The following DLC1 variants were observed in gnomAD, a reference collection of about 807,000 sequenced individuals.
The protein encoded by DLC1 is rho GTPase-activating protein 7.
A neutral mutation model predicts 140.3 loss-of-function variants in DLC1; 54 were observed. The ratio of observed to expected loss-of-function variants is 0.38; its 90% confidence interval spans 0.31 to 0.48. DLC1 has a LOEUF of 0.48. Ranked by LOEUF, DLC1 falls within the 20% of genes least tolerant of loss-of-function variation. The pLI is 0.96. For synonymous variants in DLC1, 986 were observed against 728.1 expected, an observed-to-expected ratio of 1.35 and a Z score of -5.70; for missense variants, 2,536 against 1,907.0, an observed-to-expected ratio of 1.33 and a Z score of -6.14.
chr8:13,275,505 C>T (rs746150896), intron 5 of DLC1, among the ~76,000 whole-genome samples: 3 of 152,156 alleles, frequency 2.0e-5, no homozygotes, highest in Non-Finnish European at 4.4e-5. Flanking sequence ...GCACCATAAA[C>T]GCTATTGGGA....
At chr8:13,287,566 T>C (rs549921387) in intron 5 of DLC1, among the ~76,000 whole-genome samples, 1 of 152,326 alleles carries the variant, frequency 6.6e-6, no homozygotes, top group Admixed American at 6.5e-5. Flanking sequence ...AATTAAACCC[T>C]TGTTGGTATT....
chr8:13,533,783 A>C (rs980474354), intron 1 of DLC1, among the ~76,000 whole-genome samples: 5 of 152,164 alleles, frequency 3.3e-5, no homozygotes, highest in Non-Finnish European at 2.9e-5. Flanking sequence ...AGGTGATTGG[A>C]TAGTGGGGTT....
chr8:13,365,048 G>T (rs772344418), intron 4 of DLC1, among the ~76,000 whole-genome samples: 1 of 152,140 alleles, frequency 6.6e-6, no homozygotes, highest in African/African-American at 2.4e-5. Flanking sequence ...CACGTGTCTT[G>T]CTGTTCTAAT....
intron 2 of DLC1, among the ~76,000 whole-genome samples, chr8:13,420,714 GTCCCTGCAAA>G (rs1838279500): frequency 6.6e-6 from 1 of 152,046 alleles, no homozygotes. Context: ...CTTCATCCAT[GTCCCTGCAAA>G]TCACATGAAC....
chr8:13,359,164 C>T (rs550337239), intron 4 of DLC1, among the ~76,000 whole-genome samples: 1 of 152,194 alleles, frequency 6.6e-6, no homozygotes, highest in Non-Finnish European at 1.5e-5. Context: ...TGGTCTCGAT[C>T]TCCTGACCTC....
chr8:13,171,366 A>G (rs764427281), intron 5 of DLC1, among the ~76,000 whole-genome samples: 1 of 152,170 alleles, frequency 6.6e-6, no homozygotes, highest in Non-Finnish European at 1.5e-5. Context: ...ACTCACTGAG[A>G]TTCTGTAGGT....
chr8:13,266,217 A>G (rs909814097), intron 5 of DLC1, among the ~76,000 whole-genome samples: 9 of 152,262 alleles, frequency 5.9e-5, no homozygotes, highest in Non-Finnish European at 1.2e-4. Context: ...TATTCTAATT[A>G]TAAAATTTCC....
chr8:13,379,785 C>G (rs1407464894), intron 4 of DLC1, among the ~76,000 whole-genome samples: 1 of 152,146 alleles, frequency 6.6e-6, no homozygotes, highest in Non-Finnish European at 1.5e-5. Context: ...GGTATTTGTC[C>G]TAACACTTAC....
rs77859782 is a variant in DLC1 at position 13,540,349 on chromosome 8, C to T, written c.-125-40153G>A. On this transcript the variant is annotated intron_variant, in intron 1 of 1. Coordinates refer to the DLC1 transcript ENST00000631382. ...AAAATGGGCTTAAATTTAAACTAAC[C>T]GTTCATATTTTCTATCCCACAGTAA... Among the ~76,000 whole-genome samples the T allele has an allele frequency of 1.1e-3, 170 of 152,234 alleles. 6 individuals carry two copies. The East Asian group carries it at 0.032, about 29-fold the overall frequency.
At chr8:13,370,470 G>A (rs148170800) in intron 4 of DLC1, among the ~76,000 whole-genome samples, 1 of 151,994 alleles carries the variant, frequency 6.6e-6, no homozygotes, top group Non-Finnish European at 1.5e-5. Context: ...CTGTCTGTGG[G>A]TTACACTCCA....
At chr8:13,141,691 T>C (rs571277531) in intron 5 of DLC1, among the ~76,000 whole-genome samples, 2 of 152,282 alleles carry the variant, frequency 1.3e-5, no homozygotes, top group African/African-American at 2.4e-5. Flanking sequence ...TCTAGAGCTA[T>C]TTCTGGAAAC....
intron 7 of DLC1, among the ~76,000 whole-genome samples, chr8:13,108,101 C>G (rs1819739606): frequency 6.6e-6 from 1 of 152,004 alleles, no homozygotes; most frequent in Non-Finnish European, 1.5e-5. Context: ...GATAGAGGTC[C>G]CTTTTCTTCT....
At chr8:13,402,071 A>T (rs1205899350) in intron 2 of DLC1, among the ~76,000 whole-genome samples, 2 of 151,934 alleles carry the variant, frequency 1.3e-5, no homozygotes, top group Non-Finnish European at 2.9e-5. Context: ...CTGGAAAAGA[A>T]CTAAGCGAGG....
At chr8:13,168,173 G>T (rs557798326) in intron 5 of DLC1, among the ~76,000 whole-genome samples, 1 of 152,080 alleles carries the variant, frequency 6.6e-6, no homozygotes, top group African/African-American at 2.4e-5. Context: ...GACATAAAAC[G>T]TCTATCTCTA....
chr8:13,486,361 A>C (rs186983844), intron 2 of DLC1, among the ~76,000 whole-genome samples: 25 of 152,324 alleles, frequency 1.6e-4, no homozygotes, highest in Admixed American at 1.0e-3. Flanking sequence ...CCCCGCACAC[A>C]AAGTAGACAA....
At chr8:13,408,115 T>C (rs1363160318) in intron 2 of DLC1, among the ~76,000 whole-genome samples, 1 of 152,214 alleles carries the variant, frequency 6.6e-6, no homozygotes, top group Non-Finnish European at 1.5e-5. Flanking sequence ...TATTCCACTG[T>C]GTTTCAATTT....
intron 4 of DLC1, among the ~76,000 whole-genome samples, chr8:13,328,037 A>T (rs1322825367): frequency 1.3e-5 from 2 of 152,196 alleles, no homozygotes; most frequent in African/African-American, 4.8e-5. Context: ...TAAAATAGAA[A>T]AGACTAGCTG....
At chr8:13,545,567 T>A (rs1803624934) in intron 1 of DLC1, among the ~76,000 whole-genome samples, 1 of 152,080 alleles carries the variant, frequency 6.6e-6, no homozygotes, top group South Asian at 2.1e-4. Flanking sequence ...GTAAATTGAA[T>A]TCGTGGTGTT....
chr8:13,161,012 C>G (rs550639714), intron 5 of DLC1, among the ~76,000 whole-genome samples: 1 of 152,270 alleles, frequency 6.6e-6, no homozygotes, highest in Admixed American at 6.5e-5. Context: ...ACCCGGGAGG[C>G]AGAGCTTGCA....
Sources: allele counts gnomAD v4.1 joint callset (sites outside exome capture counted in the v4.1 genomes callset), GRCh38; gene constraint gnomAD v4.1.1; transcripts MANE v1.5; gene names NCBI Gene and HGNC (gene_info 2026-07-23, HGNC 2026-07-21).